Variants in XPNPEP3 observed in about 807,000 individuals in gnomAD.
XPNPEP3 encodes X-prolyl aminopeptidase 3, also known as xaa-Pro aminopeptidase 3.
In XPNPEP3, 41 loss-of-function variants were observed where a neutral mutation model predicts 60.0. The observed-to-expected ratio is 0.68, with a 90% CI of 0.53 to 0.89. The LOEUF is 0.89. XPNPEP3 is among the 40% of genes least tolerant of loss of function. The pLI is 0.00. For missense variants in XPNPEP3, 598 were observed against 638.9 expected, an observed-to-expected ratio of 0.94 and a Z score of 0.69; for synonymous variants, 212 against 223.2, an observed-to-expected ratio of 0.95 and a Z score of 0.45.
intron 5 of XPNPEP3, 87 bp from the exon 6 acceptor site, chr22:40,909,035 G>A: frequency 1.0e-6 from 1 of 979,656 alleles, no homozygotes; most frequent in Non-Finnish European, 1.7e-6. Context: ...ATAAGTACTG[G>A]TATGGAGGTA....
chr22:40,864,207 A>G (rs1210881469), intron 1 of XPNPEP3, among the ~76,000 whole-genome samples: 2 of 152,158 alleles, frequency 1.3e-5, no homozygotes, highest in Non-Finnish European at 2.9e-5. Flanking sequence ...ATTTCAGACC[A>G]TATAGGGTAA....
intron 1 of XPNPEP3, chr22:40,861,840 G>A (rs754963628): frequency 1.2e-6 from 2 of 1,613,856 alleles, no homozygotes; most frequent in Middle Eastern, 1.6e-4. Flanking sequence ...TACCTCGTAT[G>A]CCTCAGCTAC....
At chr22:40,868,430 T>C (rs896211166) in intron 1 of XPNPEP3, among the ~76,000 whole-genome samples, 12 of 142,578 alleles carry the variant, frequency 8.4e-5, no homozygotes, top group Admixed American at 1.4e-4. Context: ...TATGTGTGCG[T>C]GTGTGTGTGT....
chr22:40,909,593 T>C (rs566999645), intron 6 of XPNPEP3, among the ~76,000 whole-genome samples: 2 of 151,990 alleles, frequency 1.3e-5, no homozygotes, highest in Non-Finnish European at 2.9e-5. Flanking sequence ...GGTGAAACCA[T>C]GTCTCTACTA....
rs1195498550 is a variant in XPNPEP3, at chr22:40,928,036, T to TA, written c.*1602dup. 6.6e-6 allele frequency: 1 copy of TA among 151,402 alleles called. No individual in the cohort carries two copies. Among genetic ancestry groups the TA allele is most frequent in the Non-Finnish European group, 1.5e-5 (1 of 68,004 alleles). The allele number at this position is 151,402 out of a possible 1,614,324, so 9.4% of individuals were successfully genotyped here. A position where few individuals can be genotyped will look rare whatever the true frequency, so the allele number is the denominator to read the frequency against. ...CTTACGTACCCTGTCAGAGTCACAG[T>TA]AGTAGCGCCCAGTTTTCAGAGAAGT... On this transcript the variant is annotated 3_prime_UTR_variant, in exon 10 of 10. Transcript: ENST00000357137.
At chr22:40,879,613 G>A (rs1478025992) in intron 2 of XPNPEP3, among the ~76,000 whole-genome samples, 1 of 151,670 alleles carries the variant, frequency 6.6e-6, no homozygotes, top group Non-Finnish European at 1.5e-5. Context: ...AGGACTAGGC[G>A]GGCAGATCAT....
In XPNPEP3 at chr22:40,931,986, C is replaced by G. The variant is rs2058256334; in HGVS notation, c.*5551C>G. ...AAAAATGTACCTTTGTTATGTCTTTCCAAATATCCACACCCACACCCTGTT... is the reference window on the plus strand; with the variant it reads ...AAAAATGTACCTTTGTTATGTCTTTGCAAATATCCACACCCACACCCTGTT... On this transcript the variant is annotated 3_prime_UTR_variant, in exon 10 of 10. Transcript: ENST00000357137. 1 of 152,080 alleles carries G rather than the reference C, an allele frequency of 6.6e-6. No individual in the cohort carries two copies. Among genetic ancestry groups the G allele is most frequent in the South Asian group, 2.1e-4 (1 of 4,828 alleles). 9.4% of individuals were successfully genotyped at this position (152,080 alleles called of 1,614,324 possible).
chr22:40,912,743 G>A (rs993398062), intron 6 of XPNPEP3, among the ~76,000 whole-genome samples: 9 of 152,052 alleles, frequency 5.9e-5, no homozygotes, highest in East Asian at 1.9e-4. Flanking sequence ...TGTAGCGTGC[G>A]CCTGTAGTCC....
chr22:40,892,620 A>G (rs762584250), intron 4 of XPNPEP3, among the ~76,000 whole-genome samples: 1 of 152,204 alleles, frequency 6.6e-6, no homozygotes, highest in Non-Finnish European at 1.5e-5. Flanking sequence ...TCGCCATTAA[A>G]TGTTAGTACA....
In XPNPEP3 at chr22:40,922,361, G is replaced by C. The variant is rs1195436460; in HGVS notation, c.1084G>C (p.Glu362Gln). ...RFTAPQAELY[E>Q]AVLEIQRDCL... ...CACCGCACCTCAGGCAGAACTCTAT[G>C]AAGCCGTTCTAGAGATCCAAAGAGA... The change falls in exon 8 of 10, where the codon GAA becomes CAA. Residue 362 changes from glutamate (E) to glutamine (Q), a missense_variant. Coordinates refer to ENST00000357137, the MANE Select transcript of XPNPEP3 (RefSeq NM_022098.4). 1.9e-6 allele frequency: 3 copies of C among 1,613,832 alleles called. No individual in the cohort carries two copies. The South Asian group carries it at 3.3e-5, about 18-fold the overall frequency.
rs1194366462 is a variant in XPNPEP3, at chr22:40,932,003, C to T, written c.*5568C>T. The T allele has an allele frequency of 6.6e-6, 1 of 152,150 alleles. No homozygotes were observed. The highest frequency in any genetic ancestry group is 1.5e-5 in the Non-Finnish European group (1 of 68,026). 9.4% of individuals were successfully genotyped at this position (152,150 alleles called of 1,614,324 possible). Reference sequence around the variant, plus strand: ...ATGTCTTTCCAAATATCCACACCCACACCCTGTTCAGCTTTGTTAATAATA... The same window carrying T: ...ATGTCTTTCCAAATATCCACACCCATACCCTGTTCAGCTTTGTTAATAATA... On this transcript the variant is annotated 3_prime_UTR_variant, in exon 10 of 10. Transcript: ENST00000357137.
chr22:40,871,165 C>A (rs546349670), intron 2 of XPNPEP3, among the ~76,000 whole-genome samples: 1 of 152,126 alleles, frequency 6.6e-6, no homozygotes, highest in Non-Finnish European at 1.5e-5. Context: ...GAGTTCGAGA[C>A]GAGCATAGGC....
intron 4 of XPNPEP3, among the ~76,000 whole-genome samples, chr22:40,905,503 TCA>T (rs2058151304): frequency 1.3e-5 from 2 of 152,318 alleles, no homozygotes; most frequent in South Asian, 4.1e-4. Flanking sequence ...TGCTCACTCT[TCA>T]CAGTTACATT....
At chr22:40,916,707 AAG>A (rs1215686846) in intron 7 of XPNPEP3, among the ~76,000 whole-genome samples, 4 of 152,344 alleles carry the variant, frequency 2.6e-5, no homozygotes, top group African/African-American at 9.6e-5. Context: ...TACTAACTAA[AAG>A]AGATTTTAGT....
intron 7 of XPNPEP3, among the ~76,000 whole-genome samples, chr22:40,919,997 GATGTTCTAGATTTGGCAAA>G (rs1410896171): frequency 3.3e-5 from 5 of 152,270 alleles, no homozygotes; most frequent in Admixed American, 3.3e-4. Context: ...CCATTTATAT[GATGTTCTAGATTTGGCAAA>G]CTAAGGTCAA....
At chr22:40,865,289 A>G (rs1330225685) in intron 1 of XPNPEP3, among the ~76,000 whole-genome samples, 1 of 140,184 alleles carries the variant, frequency 7.1e-6, no homozygotes, top group East Asian at 2.1e-4. Flanking sequence ...GCTTCCTTGT[A>G]TTTTGAAGCA....
At chr22:40,904,066 C>A (rs1414994194) in intron 4 of XPNPEP3, among the ~76,000 whole-genome samples, 1 of 152,072 alleles carries the variant, frequency 6.6e-6, no homozygotes, top group African/African-American at 2.4e-5. Context: ...AAAATACAAA[C>A]ATTCAGGTAG....
Position 40,897,848 on chromosome 22 carries a change from A to T in XPNPEP3, c.793-9739A>T, listed in dbSNP as rs1042137647. Among the ~76,000 whole-genome samples, 22 of 152,250 alleles carry T rather than the reference A, an allele frequency of 1.4e-4. 2 individuals carry two copies. The highest frequency in any genetic ancestry group is 1.2e-3 in the Admixed American group (19 of 15,276). ...TCATTAACAGCTAGTGATGTTCAGC[A>T]TATTTTCATGTGTTTATTGGTTATT... is the stretch of plus-strand genomic sequence containing the variant. On this transcript the variant is annotated intron_variant, in intron 4 of 9. Coordinates refer to ENST00000357137, the MANE Select transcript of XPNPEP3 (RefSeq NM_022098.4).
At chr22:40,918,243 G>A (rs942246530) in intron 7 of XPNPEP3, among the ~76,000 whole-genome samples, 15 of 151,830 alleles carry the variant, frequency 9.9e-5, no homozygotes, top group Admixed American at 3.9e-4. Context: ...CTATGGTGGC[G>A]CACACCTGTA....
Sources: allele counts gnomAD v4.1 joint callset (sites outside exome capture counted in the v4.1 genomes callset), GRCh38; gene constraint gnomAD v4.1.1; transcripts MANE v1.5; gene names NCBI Gene and HGNC (gene_info 2026-07-23, HGNC 2026-07-21).